The following PDE3A variants were observed in gnomAD, a reference collection of about 807,000 sequenced individuals.
The protein encoded by PDE3A is cGMP-inhibited 3',5'-cyclic phosphodiesterase 3A.
In PDE3A, 43 loss-of-function variants were observed where a neutral mutation model predicts 98.3. The observed-to-expected ratio is 0.44, with a 90% CI of 0.34 to 0.56. PDE3A has a LOEUF of 0.56. PDE3A is among the 20% of genes least tolerant of loss of function. The pLI is 0.01. For missense variants in PDE3A, 1,427 were observed against 1,440.7 expected, an observed-to-expected ratio of 0.99 and a Z score of 0.15; for synonymous variants, 663 against 567.9, an observed-to-expected ratio of 1.17 and a Z score of -2.38.
At chr12:20,386,535 T>G (rs974815167) in intron 1 of PDE3A, among the ~76,000 whole-genome samples, 1 of 151,856 alleles carries the variant, frequency 6.6e-6, no homozygotes, top group African/African-American at 2.4e-5. Flanking sequence ...GAGTTGGGGT[T>G]TCACCATGTT....
chr12:20,601,447 T>C (rs1020706625), intron 2 of PDE3A, among the ~76,000 whole-genome samples: 9 of 152,138 alleles, frequency 5.9e-5, no homozygotes, highest in African/African-American at 2.2e-4. Context: ...AAAAGTCTAG[T>C]GTTGATATGG....
intron 1 of PDE3A, among the ~76,000 whole-genome samples, chr12:20,474,943 C>T (rs1418240548): frequency 6.6e-6 from 1 of 152,056 alleles, no homozygotes; most frequent in South Asian, 2.1e-4. Flanking sequence ...TTCATCCTAA[C>T]ATAGAAGATA....
chr12:20,384,256 A>G (rs1303931835), intron 1 of PDE3A, among the ~76,000 whole-genome samples: 1 of 150,788 alleles, frequency 6.6e-6, no homozygotes, highest in Non-Finnish European at 1.5e-5. Flanking sequence ...TGGAGACCTG[A>G]CATTCGGGAA....
chr12:20,617,022 C>T (rs922327233), intron 4 of PDE3A, among the ~76,000 whole-genome samples: 5 of 152,110 alleles, frequency 3.3e-5, no homozygotes, highest in Admixed American at 3.3e-4. Flanking sequence ...GATACTGTGT[C>T]CTTTTCTATT....
intron 1 of PDE3A, among the ~76,000 whole-genome samples, chr12:20,527,551 T>C (rs1946547741): frequency 6.6e-6 from 1 of 152,216 alleles, no homozygotes; most frequent in African/African-American, 2.4e-5. Flanking sequence ...TCTTGGCATC[T>C]TTCCGCTGTC....
chr12:20,480,703 G>A (rs1214823197), intron 1 of PDE3A, among the ~76,000 whole-genome samples: 2 of 152,104 alleles, frequency 1.3e-5, no homozygotes, highest in Admixed American at 1.3e-4. Context: ...GTAATGATTT[G>A]CCTAGAAGTG....
intron 5 of PDE3A, among the ~76,000 whole-genome samples, chr12:20,628,671 T>A (rs1478146472): frequency 2.6e-5 from 4 of 152,094 alleles, no homozygotes; most frequent in Admixed American, 2.6e-4. Flanking sequence ...GAGAAAGAAC[T>A]AGAAGGGGTT....
chr12:20,629,773 G>A (rs1944341309), intron 5 of PDE3A, 135 bp from the exon 6 acceptor site: 2 of 662,606 alleles, frequency 3.0e-6, no homozygotes, highest in Non-Finnish European at 5.4e-6. Context: ...GTTGGTATGT[G>A]GAGGAGGCCA....
intron 2 of PDE3A, among the ~76,000 whole-genome samples, chr12:20,610,353 T>G (rs919277355): frequency 6.6e-6 from 1 of 151,934 alleles, no homozygotes; most frequent in African/African-American, 2.4e-5. Context: ...AAGATATCAC[T>G]TCACTCCTGT....
chr12:20,662,578 T>A (rs758199956), intron 15 of PDE3A, among the ~76,000 whole-genome samples: 2 of 152,142 alleles, frequency 1.3e-5, no homozygotes, highest in Admixed American at 6.5e-5. Flanking sequence ...GCCCTAGAGA[T>A]CTGTGAAACT....
At chr12:20,395,688 T>TTATATATATATATATATATA (rs5796857) in intron 1 of PDE3A, among the ~76,000 whole-genome samples, 1 of 143,422 alleles carries the variant, frequency 7.0e-6, no homozygotes, top group Non-Finnish European at 1.5e-5. Flanking sequence ...AATAGAATCA[T>TTATATATATATATATATATA]TATATATATA....
chr12:20,548,360 A>G (rs1465916514), intron 1 of PDE3A, among the ~76,000 whole-genome samples: 3 of 152,108 alleles, frequency 2.0e-5, no homozygotes, highest in Non-Finnish European at 4.4e-5. Flanking sequence ...CCTTCTGGTA[A>G]GATGCTTATT....
At chr12:20,440,900 C>T (rs574564569) in intron 1 of PDE3A, among the ~76,000 whole-genome samples, 1 of 124,262 alleles carries the variant, frequency 8.0e-6, no homozygotes, top group Non-Finnish European at 1.7e-5. Flanking sequence ...ACCTATCTCA[C>T]CTTTGATTAT....
chr12:20,511,437 C>CAT (rs1946221243), intron 1 of PDE3A, among the ~76,000 whole-genome samples: 1 of 151,024 alleles, frequency 6.6e-6, no homozygotes, highest in Non-Finnish European at 1.5e-5. Flanking sequence ...CACACACACA[C>CAT]ACACACACAT....
At chr12:20,548,256 TA>T (rs917432683) in intron 1 of PDE3A, among the ~76,000 whole-genome samples, 1 of 152,010 alleles carries the variant, frequency 6.6e-6, no homozygotes, top group Admixed American at 6.6e-5. Flanking sequence ...CATTCTCTTT[TA>T]AAAAAAATTT....
rs113057292 is a variant in PDE3A, at chr12:20,610,842, G to A, written c.1012-2601G>A. Among the ~76,000 whole-genome samples the A allele has an allele frequency of 6.6e-5, 10 of 151,896 alleles. 1 individual carries two copies. The highest frequency in any genetic ancestry group is 1.4e-4 in the African/African-American group (6 of 41,520). ...AGAATCTTAATTTTTAAAAAAGGTCGAATATTCAGAGATAGAGAATAAAAC... is the reference window on the plus strand; with the variant it reads ...AGAATCTTAATTTTTAAAAAAGGTCAAATATTCAGAGATAGAGAATAAAAC... On this transcript the variant is annotated intron_variant, in intron 2 of 15. Coordinates refer to ENST00000359062, the MANE Select transcript of PDE3A (RefSeq NM_000921.5).
intron 1 of PDE3A, among the ~76,000 whole-genome samples, chr12:20,431,594 A>AACACAC (rs35221225): frequency 0.011 from 1,574 of 146,840 alleles, 24 homozygotes; most frequent in African/African-American, 0.032. Flanking sequence ...TAGTCAGGAA[A>AACACAC]ACACACACAC....
intron 1 of PDE3A, among the ~76,000 whole-genome samples, chr12:20,452,203 G>A (rs186197083): frequency 1.2e-3 from 187 of 152,278 alleles, no homozygotes; most frequent in Non-Finnish European, 1.8e-3. Flanking sequence ...AGTCTAACGC[G>A]TGCAGATGCA....
intron 1 of PDE3A, among the ~76,000 whole-genome samples, chr12:20,381,464 CG>C (rs1943662268): frequency 2.0e-5 from 3 of 151,822 alleles, no homozygotes; most frequent in African/African-American, 7.2e-5. Flanking sequence ...AAAACTAGAA[CG>C]CTTTATGATT....
Sources: allele counts gnomAD v4.1 joint callset (sites outside exome capture counted in the v4.1 genomes callset), GRCh38; gene constraint gnomAD v4.1.1; transcripts MANE v1.5; gene names NCBI Gene and HGNC (gene_info 2026-07-23, HGNC 2026-07-21).